Variants in NTRK2 observed in about 807,000 individuals in gnomAD.
NTRK2 encodes the protein neurotrophic receptor tyrosine kinase 2.
A neutral mutation model predicts 94.5 loss-of-function variants in NTRK2; 13 were observed. The ratio of observed to expected loss-of-function variants is 0.14; its 90% CI spans 0.09 to 0.22. The LOEUF (loss-of-function observed/expected upper bound fraction) is 0.22, where lower values mean the gene tolerates loss of function less well. NTRK2 is among the 10% of genes least tolerant of loss of function. NTRK2 has a pLI of 1.00. For synonymous variants in NTRK2, 372 were observed against 407.4 expected (o/e 0.91, Z 1.05); for missense variants, 639 against 1,071.2 (o/e 0.60, Z 5.63).
chr9:84,938,071 A>G (rs1441346899), intron 15 of NTRK2, among the ~76,000 whole-genome samples: 1 of 152,218 alleles, frequency 6.6e-6, no homozygotes, highest in Admixed American at 6.5e-5. Flanking sequence ...CTGAGACTCA[A>G]GGAAGTTGAG....
At chr9:84,747,497 T>TTTTGA (rs1217073295) in intron 11 of NTRK2, among the ~76,000 whole-genome samples, 1 of 127,210 alleles carries the variant, frequency 7.9e-6, no homozygotes, top group Non-Finnish European at 1.6e-5. Flanking sequence ...TTTTTTTTTG[T>TTTTGA]GATGGAGTCT....
At chr9:84,747,009 C>T (rs755726249) in intron 11 of NTRK2, among the ~76,000 whole-genome samples, 1 of 152,128 alleles carries the variant, frequency 6.6e-6, no homozygotes, top group Admixed American at 6.5e-5. Context: ...GTACATTTTG[C>T]AGACTGGCTA....
intron 14 of NTRK2, among the ~76,000 whole-genome samples, chr9:84,912,892 AG>A (rs1377154957): frequency 2.0e-5 from 3 of 152,152 alleles, no homozygotes; most frequent in Non-Finnish European, 4.4e-5. Flanking sequence ...CTGGGATTAC[AG>A]GCGTGAGCCA....
chr9:84,670,777 C>T lies in NTRK2; in HGVS notation c.29C>T (p.Pro10Leu). Residue 10 changes from proline (P) to leucine (L), a missense_variant, in exon 2 of 19, where the codon CCC becomes CTC. Physicochemically the swap from Pro to Leu is moderately conservative, Grantham distance 98. Around this residue, in one of 5 missense-constraint regions of NTRK2, gnomAD observed 206 missense variants for 251.5 expected, o/e 0.82. Transcript: ENST00000277120. MSSWIRWHG[P>L]AMARLWGFCW... ...TCGTCCTGGATAAGGTGGCATGGAC[C>T]CGCCATGGCGCGGCTCTGGGGCTTC... is the stretch of plus-strand genomic sequence containing the variant. 6.2e-7 allele frequency: 1 copy of T among 1,613,744 alleles called. No homozygotes were observed. Among genetic ancestry groups the T allele is most frequent in the Non-Finnish European group, 8.5e-7 (1 of 1,180,028 alleles).
chr9:84,918,341 T>C (rs906534657), intron 14 of NTRK2, among the ~76,000 whole-genome samples: 2 of 152,194 alleles, frequency 1.3e-5, no homozygotes, highest in African/African-American at 4.8e-5. Flanking sequence ...TGCTCCACAA[T>C]GGGGGCTTCT....
rs536866117 is a variant in NTRK2 at position 84,836,340 on chromosome 9, T to C, written c.1397-24700T>C. On this transcript the variant is annotated intron_variant, in intron 12 of 18. Transcript: ENST00000277120. ...TGGGAAATGATGGCTATGTTGGTGC[T>C]TTTAAGTAAGAGAAGTAGCCCTGCA... is the stretch of plus-strand genomic sequence containing the variant. Among the ~76,000 whole-genome samples the C allele has an allele frequency of 2.0e-5, 3 of 152,102 alleles. No homozygotes were observed. The East Asian group carries it at 5.8e-4, about 30-fold the overall frequency.
At chr9:84,697,221 C>T (rs923301998) in intron 2 of NTRK2, among the ~76,000 whole-genome samples, 2 of 152,134 alleles carry the variant, frequency 1.3e-5, no homozygotes, top group African/African-American at 4.8e-5. Flanking sequence ...TGGAGGGAAG[C>T]TCAATTTTCT....
chr9:84,926,191 TTTCTTTC>T (rs2077801946), intron 14 of NTRK2, among the ~76,000 whole-genome samples: 3 of 139,382 alleles, frequency 2.2e-5, no homozygotes, highest in African/African-American at 8.1e-5. Context: ...TCTTTCTTTC[TTTCTTTC>T]TTTCTTTCTT....
chr9:84,996,003 T>G (rs1421201498), intron 17 of NTRK2, among the ~76,000 whole-genome samples: 7 of 152,222 alleles, frequency 4.6e-5, no homozygotes, highest in African/African-American at 7.2e-5. Context: ...GGAAAATATC[T>G]GATTGGCTAC....
intron 12 of NTRK2, among the ~76,000 whole-genome samples, chr9:84,803,052 T>A (rs1243531493): frequency 6.6e-6 from 1 of 152,128 alleles, no homozygotes; most frequent in Non-Finnish European, 1.5e-5. Flanking sequence ...ATGCCCCAGG[T>A]GGACTGACAA....
intron 12 of NTRK2, among the ~76,000 whole-genome samples, chr9:84,831,183 A>G (rs2073525117): frequency 6.6e-6 from 1 of 152,170 alleles, no homozygotes; most frequent in Non-Finnish European, 1.5e-5. Flanking sequence ...ATTTTTTCCT[A>G]GGATTGATTT....
intron 14 of NTRK2, among the ~76,000 whole-genome samples, chr9:84,917,856 G>A (rs1009977585): frequency 5.9e-5 from 9 of 152,124 alleles, no homozygotes; most frequent in East Asian, 1.9e-4. Context: ...CATTGATTGC[G>A]TCCTGAATGC....
At chr9:84,783,837 G>A (rs913944572) in intron 12 of NTRK2, among the ~76,000 whole-genome samples, 1 of 151,916 alleles carries the variant, frequency 6.6e-6, no homozygotes, top group Non-Finnish European at 1.5e-5. Flanking sequence ...GGCATGAAGG[G>A]GGCTAGGGAG....
chr9:84,820,169 C>CTTTTTTTT (rs902886137), intron 12 of NTRK2, among the ~76,000 whole-genome samples: 10 of 132,506 alleles, frequency 7.5e-5, no homozygotes, highest in Non-Finnish European at 1.1e-4. Context: ...TTCTTTCTTT[C>CTTTTTTTT]TTTTTTTTTT....
chr9:84,682,402 C>T (rs1007262339), intron 2 of NTRK2, among the ~76,000 whole-genome samples: 6 of 152,172 alleles, frequency 3.9e-5, no homozygotes, highest in African/African-American at 1.4e-4. Flanking sequence ...CATGAATACA[C>T]TTTGTAACTC....
intron 6 of NTRK2, among the ~76,000 whole-genome samples, chr9:84,719,637 G>A (rs1434545862): frequency 3.9e-5 from 6 of 152,110 alleles, no homozygotes; most frequent in African/African-American, 1.4e-4. Context: ...TGGCTATGGA[G>A]GGGGTCATAC....
intron 2 of NTRK2, among the ~76,000 whole-genome samples, chr9:84,677,602 G>A (rs899566645): frequency 2.0e-5 from 3 of 152,146 alleles, no homozygotes; most frequent in Non-Finnish European, 4.4e-5. Flanking sequence ...TTATTAGTTT[G>A]CCTGGGCCCC....
chr9:84,861,939 G>A (rs2075359016), intron 13 of NTRK2, among the ~76,000 whole-genome samples: 1 of 152,132 alleles, frequency 6.6e-6, no homozygotes, highest in Non-Finnish European at 1.5e-5. Flanking sequence ...CCCTATGCTT[G>A]TTCATCCTGG....
chr9:84,828,403 A>G (rs865812194), intron 12 of NTRK2, among the ~76,000 whole-genome samples: 1 of 152,202 alleles, frequency 6.6e-6, no homozygotes, highest in Non-Finnish European at 1.5e-5. Flanking sequence ...GAAATTTTGC[A>G]TTTCCATAGA....
Sources: allele counts gnomAD v4.1 joint callset (sites outside exome capture counted in the v4.1 genomes callset), GRCh38; gene constraint gnomAD v4.1.1; regional missense constraint gnomAD v4.1.1; transcripts MANE v1.5; gene names NCBI Gene and HGNC (gene_info 2026-07-23, HGNC 2026-07-21).